Variants in SOX5 observed in about 807,000 individuals in gnomAD.
SOX5 encodes the protein transcription factor SOX-5.
In SOX5, 9 loss-of-function variants were observed where a neutral mutation model predicts 92.0. That is an observed-to-expected ratio of 0.10 (90% CI 0.06 to 0.17). SOX5 has a LOEUF of 0.17. SOX5 is among the 10% of genes least tolerant of loss of function. The pLI is 1.00. For missense variants in SOX5, 642 were observed against 944.5 expected (o/e 0.68, Z 4.20); for synonymous variants, 344 against 336.3 (o/e 1.02, Z -0.25).
intron 6 of SOX5, among the ~76,000 whole-genome samples, chr12:23,667,323 T>G (rs1326370687): frequency 1.3e-5 from 2 of 152,212 alleles, no homozygotes; most frequent in Non-Finnish European, 1.5e-5. Flanking sequence ...GTTTATAATA[T>G]TCTTTCAGAT....
At chr12:24,361,705 T>C (rs1955582791) in intron 2 of SOX5, among the ~76,000 whole-genome samples, 1 of 152,334 alleles carries the variant, frequency 6.6e-6, no homozygotes, top group Non-Finnish European at 1.5e-5. Flanking sequence ...CATTTAAATT[T>C]AAACCCCTAT....
At chr12:23,544,991 C>T (rs995750387) in intron 12 of SOX5, among the ~76,000 whole-genome samples, 3 of 152,168 alleles carry the variant, frequency 2.0e-5, no homozygotes. Context: ...CTAGGTTTAT[C>T]TTAGCTAAGT....
At chr12:24,534,867 C>T (rs1237620266) in intron 1 of SOX5, among the ~76,000 whole-genome samples, 1 of 152,176 alleles carries the variant, frequency 6.6e-6, no homozygotes. Context: ...AGAGGGGATG[C>T]GAGGGCTGGC....
At chr12:23,569,391 T>C (rs1473287992) in intron 10 of SOX5, among the ~76,000 whole-genome samples, 1 of 152,200 alleles carries the variant, frequency 6.6e-6, no homozygotes, top group Non-Finnish European at 1.5e-5. Flanking sequence ...TAAAAAGGTT[T>C]AATTGCATGA....
At chr12:24,445,703 G>T (rs12426274) in intron 1 of SOX5, among the ~76,000 whole-genome samples, 1 of 152,126 alleles carries the variant, frequency 6.6e-6, no homozygotes, top group Admixed American at 6.6e-5. Flanking sequence ...ATATTAGTTT[G>T]TAAGAAAAAT....
intron 4 of SOX5, among the ~76,000 whole-genome samples, chr12:24,042,263 C>T (rs748753820): frequency 4.6e-5 from 7 of 151,916 alleles, no homozygotes; most frequent in South Asian, 4.1e-4. Context: ...CTAATAAATA[C>T]GCATTAACTT....
chr12:24,068,725 TATATATATATATATATATATATAC>T (rs1266112683), intron 4 of SOX5, among the ~76,000 whole-genome samples: 1,000 of 97,336 alleles, frequency 0.01, 16 homozygotes, highest in African/African-American at 0.025. Flanking sequence ...TATATATATA[TATATATATATATATATATATATAC>T]ACACACACAC....
chr12:23,620,374 G>A (rs1484004741), intron 8 of SOX5, among the ~76,000 whole-genome samples: 2 of 151,980 alleles, frequency 1.3e-5, no homozygotes, highest in Non-Finnish European at 2.9e-5. Context: ...GGGAGGGTTT[G>A]TTTCACCTAC....
At chr12:24,155,073 A>G (rs1157474225) in intron 4 of SOX5, among the ~76,000 whole-genome samples, 1 of 152,116 alleles carries the variant, frequency 6.6e-6, no homozygotes, top group Non-Finnish European at 1.5e-5. Context: ...TCCTCCTTGA[A>G]AACAGGCATC....
intron 2 of SOX5, among the ~76,000 whole-genome samples, chr12:23,891,852 T>A (rs1244787657): frequency 6.6e-6 from 1 of 152,180 alleles, no homozygotes; most frequent in East Asian, 1.9e-4. Context: ...TTTAATAATT[T>A]GAATATATCA....
intron 1 of SOX5, among the ~76,000 whole-genome samples, chr12:24,546,615 C>A (rs1468959005): frequency 6.6e-6 from 1 of 152,240 alleles, no homozygotes; most frequent in Non-Finnish European, 1.5e-5. Context: ...AGAGCACCAC[C>A]CCTTGCCTTG....
intron 3 of SOX5, among the ~76,000 whole-genome samples, chr12:23,838,280 T>G (rs1452091299): frequency 6.7e-6 from 1 of 150,262 alleles, no homozygotes; most frequent in Non-Finnish European, 1.5e-5. Flanking sequence ...GATACAATTT[T>G]TGCTTTGTTA....
chr12:24,235,534 G>C (rs1964294932), intron 3 of SOX5, among the ~76,000 whole-genome samples: 1 of 152,060 alleles, frequency 6.6e-6, no homozygotes, highest in African/African-American at 2.4e-5. Context: ...ATAACATCTT[G>C]AAAAAGGTTG....
At chr12:23,841,799 A>C (rs887385306) in intron 3 of SOX5, among the ~76,000 whole-genome samples, 1 of 152,098 alleles carries the variant, frequency 6.6e-6, no homozygotes, top group Non-Finnish European at 1.5e-5. Flanking sequence ...AAAAAGCGGG[A>C]TGAATAGGTG....
rs927879123 is a variant in SOX5 at position 24,019,913 on chromosome 12, G to GA, written c.-1-123890dup. Among the ~76,000 whole-genome samples, 9 of 152,272 alleles carry GA rather than the reference G, an allele frequency of 5.9e-5. No individual in the cohort carries two copies. In the South Asian group the frequency reaches 1.9e-3, roughly 32 times the overall value. On this transcript the variant is annotated intron_variant, in intron 4 of 4. Coordinates refer to the SOX5 transcript ENST00000446891. The stretch of plus-strand genomic sequence containing the variant: ...GGCAATTAATTACTTTTACCAAAGG[G>GA]AAAAAAGTTATTACTAAAACCTCAC...
chr12:24,338,210 C>A (rs1172253929), intron 2 of SOX5, among the ~76,000 whole-genome samples: 1 of 152,038 alleles, frequency 6.6e-6, no homozygotes, highest in South Asian at 2.1e-4. Context: ...TTATAGCTAT[C>A]ATAAATATTA....
chr12:24,003,585 A>T (rs1194819836), intron 4 of SOX5, among the ~76,000 whole-genome samples: 1 of 152,102 alleles, frequency 6.6e-6, no homozygotes, highest in African/African-American at 2.4e-5. Flanking sequence ...AACATTAAGA[A>T]CTTTAACAAA....
chr12:24,480,107 C>G (rs1945825018), intron 1 of SOX5, among the ~76,000 whole-genome samples: 1 of 152,138 alleles, frequency 6.6e-6, no homozygotes, highest in Non-Finnish European at 1.5e-5. Context: ...AACAAATCCA[C>G]ACACCTACAG....
intron 3 of SOX5, among the ~76,000 whole-genome samples, chr12:24,242,014 A>G (rs1391417673): frequency 6.6e-6 from 1 of 152,222 alleles, no homozygotes; most frequent in African/African-American, 2.4e-5. Flanking sequence ...ATCCAGCTCT[A>G]TGAAATGAAA....
Sources: allele counts gnomAD v4.1 joint callset (sites outside exome capture counted in the v4.1 genomes callset), GRCh38; gene constraint gnomAD v4.1.1; transcripts MANE v1.5; gene names NCBI Gene and HGNC (gene_info 2026-07-23, HGNC 2026-07-21).